MAPKBP1: variants seen among roughly 807,000 people sequenced by gnomAD.
MAPKBP1 encodes mitogen-activated protein kinase-binding protein 1.
A neutral mutation model predicts 170.5 loss-of-function variants in MAPKBP1; 71 were observed. The observed-to-expected ratio is 0.42, with a 90% CI of 0.34 to 0.51. The LOEUF (loss-of-function observed/expected upper bound fraction) is 0.51. MAPKBP1 is among the 20% of genes least tolerant of loss of function. The pLI is 0.06. For synonymous variants in MAPKBP1, 719 were observed against 757.9 expected (o/e 0.95, Z 0.84); for missense variants, 1,598 against 1,933.0 (o/e 0.83, Z 3.25).
intron 2 of MAPKBP1, among the ~76,000 whole-genome samples, chr15:41,792,137 A>G (rs1023863654): frequency 1.3e-5 from 2 of 150,330 alleles, no homozygotes; most frequent in African/African-American, 4.9e-5. Context: ...TCTTGCCTCT[A>G]CGCCACCTGT....
rs757384488 is a variant in MAPKBP1 at position 41,823,601 on chromosome 15, G to C, written c.3753G>C (p.Lys1251Asn). The C allele has an allele frequency of 5.0e-6, 8 of 1,614,160 alleles. No individual in the cohort carries two copies. The highest frequency in any genetic ancestry group is 5.9e-6 in the Non-Finnish European group (7 of 1,180,020). ...YQNPTTSSMA[K>N]ISRSISVGEN... ...ACCCCACCACCAGTTCCATGGCCAA[G>C]ATATCCCGCAGTATCTCTGTTGGGG... is the stretch of plus-strand genomic sequence containing the variant. The change falls in exon 29 of 31, where the codon AAG (lysine) becomes AAC (asparagine). Residue 1251 changes from lysine (K) to asparagine (N), a missense_variant. Physicochemically the swap from Lys to Asn is moderately conservative, Grantham distance 94. Transcript: ENST00000457542.
intron 2 of MAPKBP1, among the ~76,000 whole-genome samples, chr15:41,779,996 G>C (rs1249941231): frequency 6.6e-6 from 1 of 152,186 alleles, no homozygotes; most frequent in Non-Finnish European, 1.5e-5. Context: ...CCTTCAAAGT[G>C]ATTCTCACTG....
chr15:41,798,664 C>T (rs942306069), intron 2 of MAPKBP1, among the ~76,000 whole-genome samples: 3 of 152,126 alleles, frequency 2.0e-5, no homozygotes, highest in Non-Finnish European at 4.4e-5. Flanking sequence ...TGATTCTGAG[C>T]CTCCCCTCTC....
chr15:41,798,848 C>T (rs748164121), intron 2 of MAPKBP1, among the ~76,000 whole-genome samples: 9 of 152,202 alleles, frequency 5.9e-5, no homozygotes, highest in African/African-American at 1.7e-4. Context: ...AAGCCCCACT[C>T]TCTGAGCCAG....
At chr15:41,814,939 T>C (rs966475291) in intron 10 of MAPKBP1, among the ~76,000 whole-genome samples, 200 bp downstream of exon 10, 3 of 152,194 alleles carry the variant, frequency 2.0e-5, no homozygotes, top group Admixed American at 2.0e-4. Flanking sequence ...TAGTTTTGCC[T>C]CGGTCATCTT....
intron 2 of MAPKBP1, among the ~76,000 whole-genome samples, chr15:41,799,283 C>A (rs926738791): frequency 6.6e-6 from 1 of 152,066 alleles, no homozygotes; most frequent in Non-Finnish European, 1.5e-5. Context: ...TATGAACTGG[C>A]AGACATTTGG....
rs147028969 is a variant in MAPKBP1 at position 41,815,888 on chromosome 15, A to G, written c.1493+89A>G. 59 of 1,350,768 alleles carry G rather than the reference A, an allele frequency of 4.4e-5. No homozygotes were observed. In the African/African-American group the frequency reaches 7.4e-4, roughly 17 times the overall value. 83.7% of individuals were successfully genotyped at this position (1,350,768 alleles called of 1,614,324 possible). ...TTTAGGGAGGGTTTGGCTCAAAAAG[A>G]TTGGGCAACAAGATACTTATTTACA... is the stretch of plus-strand genomic sequence containing the variant. On this transcript the variant is annotated intron_variant, in intron 12 of 30. Transcript: ENST00000457542.
intron 3 of MAPKBP1, among the ~76,000 whole-genome samples, chr15:41,802,878 C>G (rs1469893705): frequency 6.6e-6 from 1 of 152,114 alleles, no homozygotes; most frequent in African/African-American, 2.4e-5. Flanking sequence ...TAGCCTAGCG[C>G]ATAGAACTAC....
chr15:41,812,382 C>A (rs988594044), intron 6 of MAPKBP1, 134 bp from the exon 7 acceptor site: 1 of 1,331,620 alleles, frequency 7.5e-7, no homozygotes, highest in African/African-American at 1.4e-5. Context: ...CCCTACCCCT[C>A]TTTTTCTGGC....
At chr15:41,791,880 ACC>A (rs2064402195) in intron 2 of MAPKBP1, among the ~76,000 whole-genome samples, 1 of 151,804 alleles carries the variant, frequency 6.6e-6, no homozygotes, top group Non-Finnish European at 1.5e-5. Context: ...ACATGGAGAA[ACC>A]CCGTCTCTAC....
chr15:41,793,468 G>A (rs145692585), intron 2 of MAPKBP1, among the ~76,000 whole-genome samples: 3 of 152,194 alleles, frequency 2.0e-5, no homozygotes, highest in East Asian at 1.9e-4. Flanking sequence ...GTGAGACTCC[G>A]TCTCAAAAAA....
At chr15:41,784,905 A>AG (rs1465739419) in intron 2 of MAPKBP1, among the ~76,000 whole-genome samples, 2 of 150,128 alleles carry the variant, frequency 1.3e-5, no homozygotes, top group Non-Finnish European at 1.5e-5. Context: ...AAAAAAAAAA[A>AG]AAAAAAAAAA....
At position 41,817,383 on chromosome 15, in the gene MAPKBP1, C is replaced by A; in HGVS notation, c.1712-5C>A. ...TGGGAACAGCTGGGCTTCCCTCCTT[C>A]ATAGCCAGTGATGGGCAAGTCCGCA... is the stretch of plus-strand genomic sequence containing the variant. On this transcript the variant is annotated splice_region_variant and splice_polypyrimidine_tract_variant and intron_variant, in intron 14 of 30. Coordinates refer to ENST00000457542, the MANE Select transcript of MAPKBP1 (RefSeq NM_014994.3). The surrounding 1 kb of genome is among the most constrained non-coding windows in gnomAD (Gnocchi z 4.2). 1.2e-6 allele frequency: 2 copies of A among 1,612,530 alleles called. No homozygotes were observed. The highest frequency in any genetic ancestry group is 8.5e-7 in the Non-Finnish European group (1 of 1,179,024).
intron 2 of MAPKBP1, among the ~76,000 whole-genome samples, chr15:41,779,758 G>A (rs1179083528): frequency 6.6e-6 from 1 of 152,208 alleles, no homozygotes; most frequent in Non-Finnish European, 1.5e-5. Flanking sequence ...AGATGACTAA[G>A]AGTGGATGTC....
rs1273251005 is a variant in MAPKBP1, at chr15:41,822,333, A to G, written c.3140A>G (p.Tyr1047Cys). ...GAAGAGGAGGGAGGCATGGGCCCCT[A>G]TGGGCTACAGGAGGGCAGCCCCCAG... Reference protein sequence around the residue: ...EEEEEGGMGPYGLQEGSPQTP... With the variant: ...EEEEEGGMGPCGLQEGSPQTP... Residue 1047 changes from tyrosine (Y) to cysteine (C), a missense_variant, in exon 26 of 31, where the codon TAT becomes TGT. By Grantham distance (194) the Tyr-to-Cys change is radical. Transcript: ENST00000457542. 5.6e-6 allele frequency: 9 copies of G among 1,613,900 alleles called. No homozygotes were observed. Among genetic ancestry groups the G allele is most frequent in the Non-Finnish European group, 5.9e-6 (7 of 1,179,972 alleles).
chr15:41,812,767 G>C, intron 7 of MAPKBP1, 114 bp downstream of exon 7: 2 of 1,471,328 alleles, frequency 1.4e-6, no homozygotes, highest in Non-Finnish European at 1.8e-6. Context: ...CAGTCATGCA[G>C]AAGTTTTGGA....
In MAPKBP1 at chr15:41,825,099, A is replaced by G. The variant is rs995954801; in HGVS notation, c.4300-110A>G. On this transcript the variant is annotated intron_variant, in intron 30 of 30. Coordinates refer to ENST00000457542, the MANE Select transcript of MAPKBP1 (RefSeq NM_014994.3). The stretch of plus-strand genomic sequence containing the variant: ...GCCATACATGCTGATCTTGGCGGGT[A>G]GAGTTCCCAGCTAGTCCCTTCTGAG... The G allele has an allele frequency of 1.1e-5, 8 of 746,934 alleles. No individual in the cohort carries two copies. The Admixed American group carries it at 1.8e-4, about 17-fold the overall frequency. The allele number at this position is 746,934 out of a possible 1,614,324, so 46.3% of individuals were successfully genotyped here.
Position 41,825,324 on chromosome 15 carries a change from G to A in MAPKBP1, c.4415G>A (p.Ser1472Asn). The A allele has an allele frequency of 3.1e-6, 5 of 1,613,272 alleles. No homozygotes were observed. The highest frequency in any genetic ancestry group is 4.2e-6 in the Non-Finnish European group (5 of 1,179,958). The change falls in exon 31 of 31, where the codon AGC (serine) becomes AAC (asparagine). Residue 1472 changes from serine to asparagine, a missense_variant. Coordinates refer to ENST00000457542, the MANE Select transcript of MAPKBP1 (RefSeq NM_014994.3). ...GCTGTGGCTGGGGCAGTGCTGTCCA[G>A]CCCAGGCAGCAGCCCTGGGGCTGTG... Reference protein sequence around the residue: ...LEAVAGAVLSSPGSSPGAVGA... With the variant: ...LEAVAGAVLSNPGSSPGAVGA...
chr15:41,822,957 C>T lies in MAPKBP1; in HGVS notation c.3333C>T (p.Ser1111=). ...TRPLREPSPS[S]SSLALMSRPA... ...CCTGTAGGGAACCATCCCCATCCTC[C>T]TCAAGCCTGGCACTGATGTCGAGAC... Residue 1111 remains serine, a synonymous_variant, in exon 28 of 31, where the codon TCC becomes TCT. Coordinates refer to ENST00000457542, the MANE Select transcript of MAPKBP1 (RefSeq NM_014994.3). 6.2e-7 allele frequency: 1 copy of T among 1,611,680 alleles called. No individual in the cohort carries two copies. The highest frequency in any genetic ancestry group is 8.5e-7 in the Non-Finnish European group (1 of 1,178,314).
Sources: gnomAD v4.1 joint callset for allele counts (sites outside exome capture counted in the v4.1 genomes callset) on GRCh38, gnomAD v4.1.1 for gene constraint, Gnocchi (gnomAD v3.1) non-coding constraint, MANE v1.5 for transcripts, NCBI Gene and HGNC (gene_info 2026-07-23, HGNC 2026-07-21) for gene names.